Variants in MRAP2 observed in about 807,000 individuals in gnomAD.
MRAP2 encodes melanocortin-2 receptor accessory protein 2.
MRAP2 carries 20 observed loss-of-function variants against 17.4 expected under a neutral mutation model. The ratio of observed to expected loss-of-function variants is 1.15; its 90% CI spans 0.81 to 1.67. The LOEUF (loss-of-function observed/expected upper bound fraction) is 1.67. Ranked by LOEUF, MRAP2 falls within the 40% of genes most tolerant of loss-of-function variation. MRAP2 has a pLI of 0.00. For synonymous variants in MRAP2, 96 were observed against 88.4 expected (o/e 1.09, Z -0.48); for missense variants, 238 against 240.0 (o/e 0.99, Z 0.05).
the MRAP2 span, among the ~76,000 whole-genome samples, chr6:84,102,478 A>C: frequency 3.9e-5 from 6 of 152,178 alleles, no homozygotes; most frequent in Non-Finnish European, 8.8e-5. Flanking sequence ...CAAGCCAAGG[A>C]ATGTGAGTGG....
Position 84,087,010 on chromosome 6 carries a change from T to G in MRAP2, c.228-2081T>G, listed in dbSNP as rs1286586856. ...TGAGGAATGGTGTGGACCCCAGCAA[T>G]CTTAATTATGCTTTCTCCAAATGCT... On this transcript the variant is annotated intron_variant, in intron 3 of 3. Transcript: ENST00000257776. Among the ~76,000 whole-genome samples the G allele has an allele frequency of 4.6e-5, 7 of 152,280 alleles. 2 individuals carry two copies. In the South Asian group the frequency reaches 1.5e-3, roughly 32 times the overall value.
chr6:84,070,995 G>T (rs534054668), intron 3 of MRAP2, among the ~76,000 whole-genome samples: 1 of 152,218 alleles, frequency 6.6e-6, no homozygotes, highest in East Asian at 1.9e-4. Context: ...GCAGGTAGTT[G>T]GTTGGTGGGT....
At chr6:84,098,422 T>C in the MRAP2 span, among the ~76,000 whole-genome samples, 1 of 152,198 alleles carries the variant, frequency 6.6e-6, no homozygotes, top group Non-Finnish European at 1.5e-5. Context: ...TCTATGAATA[T>C]TTGCTGTAAA....
At chr6:84,069,669 T>C (rs1456169164) in intron 3 of MRAP2, among the ~76,000 whole-genome samples, 1 of 152,232 alleles carries the variant, frequency 6.6e-6, no homozygotes, top group Admixed American at 6.5e-5. Flanking sequence ...AAAGGATTGG[T>C]ACCAATTCTT....
chr6:84,057,648 C>T (rs1363822489), intron 2 of MRAP2, among the ~76,000 whole-genome samples: 1 of 152,152 alleles, frequency 6.6e-6, no homozygotes. Flanking sequence ...ATTTATTGAG[C>T]ACCTGTTATG....
At position 84,062,822 on chromosome 6, in the gene MRAP2, A is replaced by G. The variant is rs570085790; in HGVS notation, c.128-71A>G. The G allele has an allele frequency of 1.0e-4, 168 of 1,602,964 alleles. No homozygotes were observed. In the African/African-American group the frequency reaches 2.0e-3, roughly 20 times the overall value. ...TTCATGTACCAAAGCCTCTCCAAAAAGCTCTGATTCTTGAATGTTCAAGTT... is the reference window on the plus strand; with the variant it reads ...TTCATGTACCAAAGCCTCTCCAAAAGGCTCTGATTCTTGAATGTTCAAGTT... On this transcript the variant is annotated intron_variant, in intron 2 of 3. Transcript: ENST00000257776.
At chr6:84,062,166 A>C (rs2099493328) in intron 2 of MRAP2, 1 of 930,144 alleles carries the variant, frequency 1.1e-6, no homozygotes, top group South Asian at 5.0e-5. Flanking sequence ...GCATACTTGC[A>C]TTCTTAGGTA....
the MRAP2 span, among the ~76,000 whole-genome samples, chr6:84,118,522 C>T: frequency 6.6e-6 from 1 of 152,128 alleles, no homozygotes; most frequent in Non-Finnish European, 1.5e-5. Context: ...GCAGTCTGAC[C>T]ACATTCTGGC....
intron 1 of MRAP2, among the ~76,000 whole-genome samples, chr6:84,037,794 G>A (rs892911327): frequency 9.2e-5 from 14 of 152,062 alleles, no homozygotes; most frequent in African/African-American, 3.4e-4. Flanking sequence ...ACTCACGCTG[G>A]CCAGCCCGGG....
the MRAP2 span, among the ~76,000 whole-genome samples, chr6:84,096,246 G>A: frequency 3.3e-5 from 5 of 152,164 alleles, no homozygotes; most frequent in African/African-American, 7.2e-5. Context: ...GAATTGGGAC[G>A]TGAGGGACCA....
At chr6:84,093,394 G>A (rs2129177719), downstream of MRAP2, among the ~76,000 whole-genome samples, 1 of 152,176 alleles carries the variant, frequency 6.6e-6, no homozygotes, top group Admixed American at 6.5e-5. Flanking sequence ...TCTGTCGTCT[G>A]GGCTGTGCCA....
chr6:84,062,866 C>G (rs998239628), intron 2 of MRAP2, 27 bp from the exon 3 acceptor site: 194 of 1,613,594 alleles, frequency 1.2e-4, no homozygotes, highest in Non-Finnish European at 1.6e-4. Flanking sequence ...CTGTGAAATA[C>G]TAATCCCAGA....
At chr6:84,033,530 G>A (rs955775346), upstream of MRAP2, among the ~76,000 whole-genome samples, 1 of 152,198 alleles carries the variant, frequency 6.6e-6, no homozygotes, top group African/African-American at 2.4e-5. Context: ...GGGACCCACT[G>A]CAGAGCCCGG....
At chr6:84,141,190 T>C in the MRAP2 span, among the ~76,000 whole-genome samples, 1 of 152,180 alleles carries the variant, frequency 6.6e-6, no homozygotes, top group Non-Finnish European at 1.5e-5. Context: ...TGGGGACCCC[T>C]GGTCTAGAAT....
chr6:84,068,487 T>G (rs537207946), intron 3 of MRAP2, among the ~76,000 whole-genome samples: 2 of 152,310 alleles, frequency 1.3e-5, no homozygotes, highest in East Asian at 3.9e-4. Context: ...GTATAGTCAT[T>G]TTTACAATAT....
At chr6:84,128,455 A>C in the MRAP2 span, among the ~76,000 whole-genome samples, 1 of 152,156 alleles carries the variant, frequency 6.6e-6, no homozygotes, top group East Asian at 1.9e-4. Context: ...GGGATTTGTG[A>C]AATAAATTAG....
intron 1 of MRAP2, among the ~76,000 whole-genome samples, chr6:84,043,224 C>T (rs1165820820): frequency 6.6e-6 from 1 of 152,196 alleles, no homozygotes; most frequent in East Asian, 1.9e-4. Flanking sequence ...TTTTAATTCA[C>T]CTAGTCAGGC....
chr6:84,140,988 T>TATA, the MRAP2 span, among the ~76,000 whole-genome samples: 6 of 152,194 alleles, frequency 3.9e-5, no homozygotes, highest in African/African-American at 1.4e-4. Flanking sequence ...GATTCTCTTA[T>TATA]ATAAGCCCAC....
chr6:84,103,433 C>T, the MRAP2 span, among the ~76,000 whole-genome samples: 2 of 151,956 alleles, frequency 1.3e-5, no homozygotes, highest in African/African-American at 4.8e-5. Flanking sequence ...AGCACCTGCC[C>T]TTTTTTTGCT....
Sources: gnomAD v4.1 joint callset for allele counts (sites outside exome capture counted in the v4.1 genomes callset) on GRCh38, gnomAD v4.1.1 for gene constraint, MANE v1.5 for transcripts, NCBI Gene and HGNC (gene_info 2026-07-23, HGNC 2026-07-21) for gene names.